Variants in P2RX3 observed in about 807,000 individuals in gnomAD.
P2RX3 encodes the protein P2X purinoceptor 3.
Under a neutral mutation model 51.5 loss-of-function variants are expected in P2RX3, and 41 were observed. The ratio of observed to expected loss-of-function variants is 0.80; its 90% CI spans 0.62 to 1.03. The LOEUF is 1.03. P2RX3 is among the 50% of genes least tolerant of loss of function. The probability of loss-of-function intolerance (pLI) is 0.00; values close to 1 mark genes in which losing one functional copy is unlikely to be tolerated. For synonymous variants in P2RX3, 185 were observed against 191.6 expected, an observed-to-expected ratio of 0.97 and a Z score of 0.29; for missense variants, 459 against 522.1, an observed-to-expected ratio of 0.88 and a Z score of 1.18.
intron 8 of P2RX3, among the ~76,000 whole-genome samples, chr11:57,360,762 A>G (rs1283573300): frequency 6.8e-6 from 1 of 146,678 alleles, no homozygotes; most frequent in East Asian, 2.1e-4. Flanking sequence ...TCCACTGTGT[A>G]CTCCAGCCTG....
chr11:57,349,766 C>G lies in P2RX3; in HGVS notation c.573C>G (p.Leu191=), dbSNP rs371640843. The G allele has an allele frequency of 9.3e-6, 15 of 1,614,064 alleles. No homozygotes were observed. In the African/African-American group the frequency reaches 9.3e-5, roughly 10 times the overall value. The part of the protein sequence containing the change: ...FPLFNFEKGN[L]LPNLTARDMK... ...CTCTGCTCCTCCCCAGGGGAAACCTCCTTCCCAACCTGACAGCCAGGGACA... is the reference window on the plus strand; with the variant it reads ...CTCTGCTCCTCCCCAGGGGAAACCTGCTTCCCAACCTGACAGCCAGGGACA... The change falls in exon 7 of 12, where the codon CTC becomes CTG. Residue 191 remains leucine, a synonymous_variant. Coordinates refer to ENST00000263314, the MANE Select transcript of P2RX3 (RefSeq NM_002559.5).
intron 8 of P2RX3, among the ~76,000 whole-genome samples, chr11:57,361,494 C>G (rs1856718590): frequency 6.6e-6 from 1 of 152,172 alleles, no homozygotes; most frequent in Non-Finnish European, 1.5e-5. Flanking sequence ...CTCCCTGTAT[C>G]CATGTGTTCT....
chr11:57,358,173 TG>T (rs1856659230), intron 8 of P2RX3, among the ~76,000 whole-genome samples: 1 of 152,216 alleles, frequency 6.6e-6, no homozygotes, highest in African/African-American at 2.4e-5. Flanking sequence ...CAGCTCAGCA[TG>T]GGGAAGTACT....
chr11:57,362,603 C>A (rs1450470649), intron 8 of P2RX3, among the ~76,000 whole-genome samples: 11 of 152,156 alleles, frequency 7.2e-5, no homozygotes, highest in Non-Finnish European at 1.5e-5. Flanking sequence ...TTAGTTATGA[C>A]CCAACAGAAA....
At chr11:57,337,856 C>T (rs921211878), upstream of P2RX3, among the ~76,000 whole-genome samples, 2 of 152,188 alleles carry the variant, frequency 1.3e-5, no homozygotes, top group Non-Finnish European at 2.9e-5. Context: ...GAAAACAAAA[C>T]AAAAAAGACG....
chr11:57,368,041 G>A lies in P2RX3; in HGVS notation c.875G>A (p.Ser292Asn). ...AAGTACTACAAAATGGAAAATGGCAGTGAGTACCGCACCCTCCTGAAGGCT... is the reference window on the plus strand; with the variant it reads ...AAGTACTACAAAATGGAAAATGGCAATGAGTACCGCACCCTCCTGAAGGCT... ...FAKYYKMENG[S>N]EYRTLLKAFG... Residue 292 changes from serine (S) to asparagine (N), a missense_variant, in exon 9 of 12, where the codon AGT (serine) becomes AAT (asparagine). Coordinates refer to ENST00000263314, the MANE Select transcript of P2RX3 (RefSeq NM_002559.5). The A allele has an allele frequency of 1.2e-6, 2 of 1,614,206 alleles. No homozygotes were observed. The highest frequency in any genetic ancestry group is 1.7e-6 in the Non-Finnish European group (2 of 1,180,044).
At chr11:57,363,461 C>T (rs1856750878) in intron 8 of P2RX3, among the ~76,000 whole-genome samples, 1 of 152,268 alleles carries the variant, frequency 6.6e-6, no homozygotes, top group East Asian at 1.9e-4. Context: ...CATCTTGACT[C>T]AGTCTCTCTA....
At chr11:57,345,856 C>CT (rs1306409286) in intron 1 of P2RX3, among the ~76,000 whole-genome samples, 2 of 151,966 alleles carry the variant, frequency 1.3e-5, no homozygotes, top group Non-Finnish European at 2.9e-5. Context: ...AGATCAGACT[C>CT]TTCCCTCCCT....
At chr11:57,347,670 C>A (rs1253058761) in intron 4 of P2RX3, among the ~76,000 whole-genome samples, 192 bp downstream of exon 4, 1 of 152,194 alleles carries the variant, frequency 6.6e-6, no homozygotes, top group Admixed American at 6.5e-5. Context: ...GAGGAGTTCC[C>A]AGTCTAGGAT....
At chr11:57,349,995 C>G in intron 7 of P2RX3, 97 bp downstream of exon 7, 1 of 1,515,688 alleles carries the variant, frequency 6.6e-7, no homozygotes, top group African/African-American at 1.4e-5. Context: ...CAGGAGCCGC[C>G]GCGAGACAGC....
chr11:57,369,615 C>T (rs1856850333), intron 11 of P2RX3, among the ~76,000 whole-genome samples, 177 bp downstream of exon 11: 1 of 152,118 alleles, frequency 6.6e-6, no homozygotes, highest in Admixed American at 6.5e-5. Context: ...TGCAGAGAAT[C>T]TTGGGGGTTC....
At chr11:57,352,214 A>T (rs1392173416) in intron 8 of P2RX3, among the ~76,000 whole-genome samples, 1 of 152,222 alleles carries the variant, frequency 6.6e-6, no homozygotes, top group Non-Finnish European at 1.5e-5. Context: ...TAAAAAAATA[A>T]TCACCCACCC....
rs1309467716 is a variant in P2RX3 at position 57,368,418 on chromosome 11, C to G, written c.983C>G (p.Ala328Gly). The G allele has an allele frequency of 6.2e-7, 1 of 1,614,066 alleles. No homozygotes were observed. The highest frequency in any genetic ancestry group is 8.5e-7 in the Non-Finnish European group (1 of 1,180,040). ...CCCACCATCATCAGCTCTGTGGCGG[C>G]CTTTACTTCTGTGGGAGTGGTGAGT... is the stretch of plus-strand genomic sequence containing the variant. ...IIPTIISSVAAFTSVGVGTVL... is the reference protein window; with the variant it reads ...IIPTIISSVAGFTSVGVGTVL... Residue 328 changes from alanine to glycine, a missense_variant, in exon 10 of 12, where the codon GCC (alanine) becomes GGC (glycine). Ala to Gly is a moderately conservative substitution (Grantham distance 60). Coordinates refer to ENST00000263314, the MANE Select transcript of P2RX3 (RefSeq NM_002559.5).
chr11:57,369,447 G>A lies in P2RX3; in HGVS notation c.1080+9G>A, dbSNP rs1455758657. The A allele has an allele frequency of 1.9e-6, 3 of 1,603,262 alleles. No individual in the cohort carries two copies. The highest frequency in any genetic ancestry group is 3.5e-5 in the Admixed American group (2 of 57,950). On this transcript the variant is annotated intron_variant, in intron 11 of 11. Transcript: ENST00000263314. The stretch of plus-strand genomic sequence containing the variant: ...CCAAGAAGTTTGAGGAGGTGAGTTG[G>A]GGAAGGGGCACCCTTGGATAAAAGG...
chr11:57,362,758 G>C (rs1856740676), intron 8 of P2RX3, among the ~76,000 whole-genome samples: 1 of 152,192 alleles, frequency 6.6e-6, no homozygotes, highest in Admixed American at 6.5e-5. Context: ...TGATTCCTCA[G>C]CTGTGACATG....
intron 2 of P2RX3, 141 bp from the exon 3 acceptor site, chr11:57,346,975 T>C: frequency 1.1e-6 from 1 of 912,544 alleles, no homozygotes; most frequent in Non-Finnish European, 1.7e-6. Context: ...GCTCTGCCCC[T>C]CACCAGCCCT....
At chr11:57,346,496 G>T in intron 1 of P2RX3, 48 bp from the exon 2 acceptor site, 1 of 1,597,856 alleles carries the variant, frequency 6.3e-7, no homozygotes, top group Non-Finnish European at 8.5e-7. Flanking sequence ...CTGTCTGCTG[G>T]GTCTATGGAC....
At position 57,370,938 on chromosome 11, in the gene P2RX3, T is replaced by A. The variant is rs1856876499; in HGVS notation, c.*941T>A. On this transcript the variant is annotated 3_prime_UTR_variant, in exon 12 of 12. Transcript: ENST00000263314. ...GTGAAAATGCTCCAGTAAGGCCTGGTGCCTTGTGAGCTGCTCAGCTGGGTT... is the reference window on the plus strand; with the variant it reads ...GTGAAAATGCTCCAGTAAGGCCTGGAGCCTTGTGAGCTGCTCAGCTGGGTT... Among the ~76,000 whole-genome samples, 1 of 152,202 alleles carries A rather than the reference T, an allele frequency of 6.6e-6. No homozygotes were observed. The highest frequency in any genetic ancestry group is 1.5e-5 in the Non-Finnish European group (1 of 68,020).
upstream of P2RX3, among the ~76,000 whole-genome samples, chr11:57,337,666 T>C (rs77285620): frequency 0.016 from 2,450 of 152,258 alleles, 71 homozygotes; most frequent in African/African-American, 0.056. Flanking sequence ...CACCAGGGCC[T>C]GTCGCGGGGT....
Sources: allele counts gnomAD v4.1 joint callset (sites outside exome capture counted in the v4.1 genomes callset), GRCh38; gene constraint gnomAD v4.1.1; transcripts MANE v1.5; gene names NCBI Gene and HGNC (gene_info 2026-07-23, HGNC 2026-07-21).